Variants in STXBP5L observed in about 807,000 individuals in gnomAD.
STXBP5L encodes the protein syntaxin binding protein 5L, also known as syntaxin-binding protein 5-like.
Under a neutral mutation model 144.5 loss-of-function variants are expected in STXBP5L, and 65 were observed. The observed-to-expected ratio is 0.45, with a 90% confidence interval of 0.37 to 0.55. The LOEUF is 0.55. STXBP5L is among the 20% of genes least tolerant of loss of function. The pLI is 0.00. For missense variants in STXBP5L, 1,298 were observed against 1,405.5 expected (o/e 0.92, Z 1.22); for synonymous variants, 505 against 469.6 (o/e 1.08, Z -0.97).
intron 22 of STXBP5L, among the ~76,000 whole-genome samples, chr3:121,391,779 C>T (rs988516177): frequency 3.3e-5 from 5 of 152,162 alleles, no homozygotes; most frequent in East Asian, 1.9e-4. Context: ...CTGGAAGCTT[C>T]GTCCCAGAGG....
intron 8 of STXBP5L, 72 bp from the exon 9 acceptor site, chr3:121,157,432 C>T (rs2046155778): frequency 7.1e-6 from 10 of 1,403,178 alleles, no homozygotes; most frequent in Middle Eastern, 3.7e-4. Flanking sequence ...AATAGTTTTT[C>T]TTTGGAATAT....
rs538385793 is a variant in STXBP5L, at chr3:121,270,461, AT to A, written c.1959-9334del. Among the ~76,000 whole-genome samples, 398 of 148,238 alleles carry A rather than the reference AT, an allele frequency of 2.7e-3. 2 individuals are homozygous for A. Among genetic ancestry groups the A allele is most frequent in the African/African-American group, 8.9e-3 (360 of 40,524 alleles). On this transcript the variant is annotated intron_variant, in intron 18 of 26. Coordinates refer to ENST00000471454, the MANE Select transcript of STXBP5L (RefSeq NM_001308330.2). ...CTTTAATCGGGGGCAGTTCTTCAGC[AT>A]TTTTTTTTTAGATGGTGTCTCGCTC...
intron 9 of STXBP5L, among the ~76,000 whole-genome samples, chr3:121,196,429 G>A (rs114704750): frequency 0.026 from 3,959 of 151,950 alleles, 73 homozygotes; most frequent in Middle Eastern, 0.061. Flanking sequence ...ATGAGCCACC[G>A]CACCCGGCAA....
intron 3 of STXBP5L, among the ~76,000 whole-genome samples, chr3:121,034,909 T>A (rs1268410075): frequency 6.6e-6 from 1 of 152,102 alleles, no homozygotes; most frequent in East Asian, 1.9e-4. Flanking sequence ...CTAATAATAG[T>A]CATTCTGACA....
intron 10 of STXBP5L, among the ~76,000 whole-genome samples, chr3:121,218,055 T>C (rs1415754282): frequency 4.2e-5 from 6 of 142,560 alleles, no homozygotes; most frequent in Admixed American, 3.7e-4. Context: ...CTATATATAA[T>C]ATATATACAC....
intron 20 of STXBP5L, among the ~76,000 whole-genome samples, chr3:121,330,918 TCA>T (rs1043238092): frequency 3.9e-5 from 6 of 152,200 alleles, no homozygotes; most frequent in Admixed American, 1.3e-4. Context: ...CACTCGCCTG[TCA>T]CCACCATCAG....
At chr3:121,014,449 A>G (rs1944999055) in intron 3 of STXBP5L, among the ~76,000 whole-genome samples, 1 of 152,034 alleles carries the variant, frequency 6.6e-6, no homozygotes, top group African/African-American at 2.4e-5. Flanking sequence ...TTCCTTCAGC[A>G]TAATGATTTA....
intron 3 of STXBP5L, among the ~76,000 whole-genome samples, chr3:121,003,798 A>G (rs1944002087): frequency 6.6e-6 from 1 of 152,194 alleles, no homozygotes; most frequent in Non-Finnish European, 1.5e-5. Context: ...AGCACCATTT[A>G]TTAAATAGGG....
intron 10 of STXBP5L, among the ~76,000 whole-genome samples, chr3:121,211,546 C>T (rs1426926002): frequency 6.6e-6 from 1 of 151,040 alleles, no homozygotes; most frequent in Non-Finnish European, 1.5e-5. Flanking sequence ...ACATCTTCTC[C>T]AGCATCTCTT....
rs2047310114 is a variant in STXBP5L, at chr3:121,419,283, T to TA, written c.*190dup. ...GCAACCCAAAGGCTGGAGCCCTGGT[T>TA]AAAATCCCAAAATACGGCTGAATTT... On this transcript the variant is annotated 3_prime_UTR_variant, in exon 27 of 27. Coordinates refer to ENST00000471454, the MANE Select transcript of STXBP5L (RefSeq NM_001308330.2). 3 of 533,048 alleles carry TA rather than the reference T, an allele frequency of 5.6e-6. No individual in the cohort carries two copies. Among genetic ancestry groups the TA allele is most frequent in the Non-Finnish European group, 9.3e-6 (3 of 321,666 alleles). 33.0% of individuals were successfully genotyped at this position (533,048 alleles called of 1,614,324 possible). A position where few individuals can be genotyped will look rare whatever the true frequency, so the allele number is the denominator to read the frequency against.
intron 9 of STXBP5L, among the ~76,000 whole-genome samples, chr3:121,188,582 C>G (rs574651464): frequency 2.0e-5 from 3 of 152,122 alleles, no homozygotes; most frequent in East Asian, 3.9e-4. Flanking sequence ...AAACTGAATC[C>G]AGCAGCACAT....
intron 10 of STXBP5L, among the ~76,000 whole-genome samples, chr3:121,218,888 A>C (rs2048887688): frequency 6.6e-6 from 1 of 152,186 alleles, no homozygotes; most frequent in Non-Finnish European, 1.5e-5. Context: ...ATTCATGAGA[A>C]TTAAATGAAA....
At chr3:121,044,471 A>G (rs972937877) in intron 4 of STXBP5L, among the ~76,000 whole-genome samples, 2 of 152,194 alleles carry the variant, frequency 1.3e-5, no homozygotes, top group Non-Finnish European at 2.9e-5. Context: ...TTGATACTGT[A>G]AACTATGAGA....
chr3:121,268,851 T>A (rs1329235969), intron 18 of STXBP5L, among the ~76,000 whole-genome samples: 1 of 152,194 alleles, frequency 6.6e-6, no homozygotes, highest in Admixed American at 6.5e-5. Context: ...ATTTCTAGCT[T>A]TTCCAAAAGG....
intron 3 of STXBP5L, among the ~76,000 whole-genome samples, chr3:121,000,956 C>T (rs1348039940): frequency 6.6e-6 from 1 of 152,174 alleles, no homozygotes; most frequent in Non-Finnish European, 1.5e-5. Context: ...GCTTTGTTCT[C>T]TGGCTTCTCA....
intron 20 of STXBP5L, among the ~76,000 whole-genome samples, chr3:121,353,998 G>A (rs1334303914): frequency 6.6e-6 from 1 of 152,198 alleles, no homozygotes; most frequent in Non-Finnish European, 1.5e-5. Context: ...AGTTTTGAGT[G>A]AGTTTCTTAA....
chr3:121,419,074 G>C lies in STXBP5L; in HGVS notation c.3466G>C (p.Asp1156His). 1 of 1,611,212 alleles carries C rather than the reference G, an allele frequency of 6.2e-7. No homozygotes were observed. Among genetic ancestry groups the C allele is most frequent in the African/African-American group, 1.3e-5 (1 of 74,794 alleles). Residue 1156 changes from aspartate (D) to histidine (H), a missense_variant, in exon 27 of 27, where the codon GAT becomes CAT. Transcript: ENST00000471454. ...HAHELMLKYK[D>H]KKWYQF ...TTTGCAGTTAATGCTGAAATACAAG[G>C]ATAAGAAATGGTACCAATTCTGACT...
Position 121,211,611 on chromosome 3 carries a change from G to A in STXBP5L, c.956+5610G>A, listed in dbSNP as rs559446265. ...TTTTTTTTTTTTGAGACAGAGTCTC[G>A]CTCTGTCACCAGGCTGGAGTGCAGT... On this transcript the variant is annotated intron_variant, in intron 10 of 26. Transcript: ENST00000471454. 4.4e-4 allele frequency among the ~76,000 whole-genome samples: 51 copies of A among 116,864 alleles called. No homozygotes were observed. In the South Asian group the frequency reaches 0.01, roughly 24 times the overall value. The allele number at this position is 116,864 out of a possible 152,430, so 76.7% of individuals were successfully genotyped here.
At chr3:121,168,689 T>C (rs1204499631) in intron 9 of STXBP5L, among the ~76,000 whole-genome samples, 1 of 152,114 alleles carries the variant, frequency 6.6e-6, no homozygotes, top group Non-Finnish European at 1.5e-5. Flanking sequence ...TATGGGACTA[T>C]GTGAAAGGAC....
Sources: allele counts gnomAD v4.1 joint callset (sites outside exome capture counted in the v4.1 genomes callset), GRCh38; gene constraint gnomAD v4.1.1; transcripts MANE v1.5; gene names NCBI Gene and HGNC (gene_info 2026-07-23, HGNC 2026-07-21).